The following ANKH variants were observed in gnomAD, a reference collection of about 807,000 sequenced individuals.
ANKH encodes mineralization regulator ANKH.
Under a neutral mutation model 49.0 loss-of-function variants are expected in ANKH, and 15 were observed. The ratio of observed to expected loss-of-function variants is 0.31; its 90% CI spans 0.20 to 0.47. The LOEUF (loss-of-function observed/expected upper bound fraction) is 0.47, where lower values mean the gene tolerates loss of function less well. Among genes scored for constraint, ANKH ranks in the 20% least tolerant of loss-of-function variants. ANKH has a pLI of 1.00. For synonymous variants in ANKH, 273 were observed against 260.0 expected (o/e 1.05, Z -0.48); for missense variants, 429 against 652.0 (o/e 0.66, Z 3.72).
chr5:14,846,337 G>C (rs1201799852), intron 1 of ANKH, among the ~76,000 whole-genome samples: 3 of 152,120 alleles, frequency 2.0e-5, no homozygotes, highest in Non-Finnish European at 4.4e-5. Flanking sequence ...TTTCCGTACA[G>C]GCAATGCCGT....
At chr5:14,847,109 G>C (rs907714448) in intron 1 of ANKH, among the ~76,000 whole-genome samples, 1 of 151,762 alleles carries the variant, frequency 6.6e-6, no homozygotes, top group Non-Finnish European at 1.5e-5. Context: ...GGCAAAAAGC[G>C]TTGCTCTTAG....
At chr5:14,783,742 A>G (rs1739886616) in intron 1 of ANKH, among the ~76,000 whole-genome samples, 2 of 152,358 alleles carry the variant, frequency 1.3e-5, no homozygotes, top group Middle Eastern at 3.4e-3. Flanking sequence ...GTAATAAGCT[A>G]GAGAATAACG....
chr5:14,731,048 G>A (rs1737983448), intron 8 of ANKH, among the ~76,000 whole-genome samples: 1 of 152,234 alleles, frequency 6.6e-6, no homozygotes, highest in Non-Finnish European at 1.5e-5. Context: ...AGCACAGAGC[G>A]AGGGGACACT....
intron 1 of ANKH, among the ~76,000 whole-genome samples, chr5:14,808,558 A>C (rs1740776333): frequency 6.6e-6 from 1 of 152,256 alleles, no homozygotes; most frequent in East Asian, 1.9e-4. Context: ...TGAGCCCAGG[A>C]GTTCAAGACC....
chr5:14,845,121 T>C (rs1741920077), intron 1 of ANKH, among the ~76,000 whole-genome samples: 1 of 152,142 alleles, frequency 6.6e-6, no homozygotes, highest in Non-Finnish European at 1.5e-5. Flanking sequence ...ATTAATGGTG[T>C]TGACAGAAAC....
intron 1 of ANKH, among the ~76,000 whole-genome samples, chr5:14,773,296 T>C (rs1739506223): frequency 6.7e-6 from 1 of 150,190 alleles, no homozygotes. Flanking sequence ...AAGCATCTCA[T>C]AGGGCACCTA....
intron 1 of ANKH, among the ~76,000 whole-genome samples, chr5:14,828,225 C>T (rs1343670543): frequency 1.3e-5 from 2 of 152,218 alleles, no homozygotes; most frequent in Non-Finnish European, 2.9e-5. Flanking sequence ...GGAGTGGTGG[C>T]TCATGCCTGT....
chr5:14,810,145 C>A (rs1001643960), intron 1 of ANKH, among the ~76,000 whole-genome samples: 2 of 148,476 alleles, frequency 1.3e-5, no homozygotes, highest in Non-Finnish European at 3.0e-5. Flanking sequence ...ACTATGAAAG[C>A]ATAAAAACGA....
chr5:14,816,242 G>C (rs919415411), intron 1 of ANKH, among the ~76,000 whole-genome samples: 1 of 152,218 alleles, frequency 6.6e-6, no homozygotes, highest in African/African-American at 2.4e-5. Context: ...GGACACCTGA[G>C]CATCACCTTC....
intron 1 of ANKH, among the ~76,000 whole-genome samples, chr5:14,789,455 T>TAA (rs35825962): frequency 0.12 from 15,472 of 127,954 alleles, 888 homozygotes; most frequent in African/African-American, 0.14. Flanking sequence ...ATGGTGGTGA[T>TAA]AAAAAAAAAA....
At chr5:14,773,523 C>T (rs751718616) in intron 1 of ANKH, among the ~76,000 whole-genome samples, 1 of 152,042 alleles carries the variant, frequency 6.6e-6, no homozygotes, top group Non-Finnish European at 1.5e-5. Flanking sequence ...GTCAGTGAGA[C>T]AAAGTGAGAA....
At chr5:14,762,148 A>G (rs963450236) in intron 2 of ANKH, among the ~76,000 whole-genome samples, 1 of 152,194 alleles carries the variant, frequency 6.6e-6, no homozygotes, top group African/African-American at 2.4e-5. Flanking sequence ...CCAGGTGACA[A>G]TCCTCAATCC....
At chr5:14,749,780 C>G (rs1027787992) in intron 5 of ANKH, among the ~76,000 whole-genome samples, 6 of 152,242 alleles carry the variant, frequency 3.9e-5, no homozygotes, top group African/African-American at 1.4e-4. Context: ...TAGAAACTGA[C>G]TACAGAGGTT....
intron 6 of ANKH, 47 bp downstream of exon 6, chr5:14,749,125 C>A: frequency 6.2e-7 from 1 of 1,613,296 alleles, no homozygotes; most frequent in Non-Finnish European, 8.5e-7. Context: ...CACCCCCCTG[C>A]CCCACCAAGG....
In ANKH at chr5:14,764,622, T is replaced by G. The variant is rs1036158346; in HGVS notation, c.313+4353A>C. Among the ~76,000 whole-genome samples the G allele has an allele frequency of 1.5e-4, 23 of 152,116 alleles. 1 individual carries two copies. Among genetic ancestry groups the G allele is most frequent in the Non-Finnish European group, 2.6e-4 (18 of 68,026 alleles). On this transcript the variant is annotated intron_variant, in intron 2 of 11. Transcript: ENST00000284268. ...TTTGAGCCACTGAGGATCGGGGTGG[T>G]TTTTTACACGACAATAAATTGTGAG...
At chr5:14,856,498 C>A (rs1735250557) in intron 1 of ANKH, among the ~76,000 whole-genome samples, 2 of 151,916 alleles carry the variant, frequency 1.3e-5, no homozygotes, top group Admixed American at 1.3e-4. Flanking sequence ...AGGTCCTGAC[C>A]ATCAGATGCC....
chr5:14,828,563 T>C (rs1323701266), intron 1 of ANKH, among the ~76,000 whole-genome samples: 1 of 151,970 alleles, frequency 6.6e-6, no homozygotes, highest in African/African-American at 2.4e-5. Flanking sequence ...ACAAAAAGTT[T>C]CCTCTTCTTT....
intron 8 of ANKH, among the ~76,000 whole-genome samples, chr5:14,731,427 AAAG>A: frequency 6.6e-6 from 1 of 152,284 alleles, no homozygotes; most frequent in African/African-American, 2.4e-5. Flanking sequence ...GTGCCACGAG[AAAG>A]AAGGGAAAAG....
Position 14,707,538 on chromosome 5 carries a change from G to C in ANKH, c.*3659C>G, listed in dbSNP as rs531222532. The C allele has an allele frequency of 3.9e-5, 6 of 152,258 alleles. No homozygotes were observed. Among genetic ancestry groups the C allele is most frequent in the African/African-American group, 1.4e-4 (6 of 41,548 alleles). 9.4% of individuals were successfully genotyped at this position (152,258 alleles called of 1,614,324 possible). On this transcript the variant is annotated 3_prime_UTR_variant, in exon 12 of 12. Transcript: ENST00000284268. ...CCAGGAGAGAGATCCAGAGGGCTGG[G>C]AGTGAGCACTCCTGAGCTGGCCCCG...
Sources: gnomAD v4.1 joint callset for allele counts (sites outside exome capture counted in the v4.1 genomes callset) on GRCh38, gnomAD v4.1.1 for gene constraint, MANE v1.5 for transcripts, NCBI Gene and HGNC (gene_info 2026-07-23, HGNC 2026-07-21) for gene names.